Variants in CTNNA2 observed in about 807,000 individuals in gnomAD.
The protein encoded by CTNNA2 is catenin alpha-2.
Under a neutral mutation model 101.0 loss-of-function variants are expected in CTNNA2, and 42 were observed. The observed-to-expected ratio is 0.42, with a 90% CI of 0.32 to 0.54. The LOEUF (loss-of-function observed/expected upper bound fraction) is 0.54, where lower values mean the gene tolerates loss of function less well. Ranked by LOEUF, CTNNA2 falls within the 20% of genes least tolerant of loss-of-function variation. The pLI, the probability that CTNNA2 is intolerant of heterozygous loss-of-function variation, is 0.14. For synonymous variants in CTNNA2, 450 were observed against 456.4 expected, an observed-to-expected ratio of 0.99 and a Z score of 0.18; for missense variants, 871 against 1,223.1, an observed-to-expected ratio of 0.71 and a Z score of 4.29.
chr2:79,359,016 A>T (rs1460625717), intron 3 of CTNNA2, among the ~76,000 whole-genome samples: 1 of 152,170 alleles, frequency 6.6e-6, no homozygotes, highest in Non-Finnish European at 1.5e-5. Flanking sequence ...AGTTACACCT[A>T]CTAGATATAA....
At chr2:80,605,683 C>CAA (rs1481240937) in intron 16 of CTNNA2, 2 of 151,910 alleles carry the variant, frequency 1.3e-5, no homozygotes, top group African/African-American at 4.8e-5. Context: ...AAAAACAAAA[C>CAA]AAACAAAACC....
At chr2:79,660,546 A>G (rs1465746922) in intron 2 of CTNNA2, among the ~76,000 whole-genome samples, 1 of 152,078 alleles carries the variant, frequency 6.6e-6, no homozygotes, top group Non-Finnish European at 1.5e-5. Flanking sequence ...TTAAGTTGCT[A>G]TGTTTTTACA....
chr2:79,737,312 ACT>A, intron 2 of CTNNA2, among the ~76,000 whole-genome samples: 1 of 148,814 alleles, frequency 6.7e-6, no homozygotes. Context: ...TTGTGCCACC[ACT>A]CTCCAGCCTG....
intron 7 of CTNNA2, among the ~76,000 whole-genome samples, chr2:79,914,816 C>T (rs559834324): frequency 6.7e-5 from 10 of 149,954 alleles, no homozygotes; most frequent in Admixed American, 6.0e-4. Flanking sequence ...TAAGTGGATC[C>T]CTGGGGTTAA....
chr2:79,364,073 T>C (rs1677690588), intron 3 of CTNNA2, among the ~76,000 whole-genome samples: 1 of 152,206 alleles, frequency 6.6e-6, no homozygotes, highest in Non-Finnish European at 1.5e-5. Flanking sequence ...GCAAATCATG[T>C]GTATTAAAGT....
At chr2:79,817,277 C>T (rs1478521303) in intron 3 of CTNNA2, among the ~76,000 whole-genome samples, 2 of 146,668 alleles carry the variant, frequency 1.4e-5, no homozygotes, top group Non-Finnish European at 3.0e-5. Context: ...TTTCTGATAA[C>T]ACAAACCAGA....
At chr2:80,376,136 T>C (rs1675928464) in intron 7 of CTNNA2, among the ~76,000 whole-genome samples, 1 of 151,830 alleles carries the variant, frequency 6.6e-6, no homozygotes, top group Admixed American at 6.6e-5. Context: ...TACCATTATT[T>C]GATTTTTTTT....
intron 2 of CTNNA2, among the ~76,000 whole-genome samples, chr2:79,734,222 T>C (rs555963390): frequency 9.9e-5 from 15 of 152,160 alleles, no homozygotes; most frequent in Non-Finnish European, 1.9e-4. Flanking sequence ...AGTGAATATC[T>C]GGCATTATTT....
intron 2 of CTNNA2, among the ~76,000 whole-genome samples, chr2:79,264,829 G>A (rs1674969148): frequency 6.6e-6 from 1 of 151,962 alleles, no homozygotes. Flanking sequence ...CCTATTTGAA[G>A]CTACTCTAGC....
chr2:80,158,020 T>C (rs1445587382), intron 7 of CTNNA2, among the ~76,000 whole-genome samples: 1 of 152,204 alleles, frequency 6.6e-6, no homozygotes. Context: ...TCTCATGAGA[T>C]TTTGAATATG....
At chr2:80,291,159 T>TG (rs1675204054) in intron 7 of CTNNA2, among the ~76,000 whole-genome samples, 1 of 152,232 alleles carries the variant, frequency 6.6e-6, no homozygotes, top group Admixed American at 6.5e-5. Context: ...TTTTTCCTCG[T>TG]GGGATTTAGT....
chr2:80,126,601 TCCCTCCCTCC>T (rs1702124757), intron 7 of CTNNA2, among the ~76,000 whole-genome samples: 3 of 25,828 alleles, frequency 1.2e-4, no homozygotes, highest in African/African-American at 1.6e-4. Context: ...CCTCCCTCCC[TCCCTCCCTCC>T]CTCCCTCCCT....
At chr2:80,619,785 C>T (rs886136419) in intron 18 of CTNNA2, among the ~76,000 whole-genome samples, 1 of 151,826 alleles carries the variant, frequency 6.6e-6, no homozygotes, top group Non-Finnish European at 1.5e-5. Context: ...ACAACTCCTG[C>T]AAGTTTAAGG....
chr2:79,772,759 C>T (rs1259073855), intron 3 of CTNNA2, among the ~76,000 whole-genome samples: 1 of 152,090 alleles, frequency 6.6e-6, no homozygotes, highest in African/African-American at 2.4e-5. Context: ...GAGACAGGGT[C>T]TCACTATGTT....
chr2:79,697,753 T>C (rs1684735253), intron 2 of CTNNA2: 2 of 152,148 alleles, frequency 1.3e-5, no homozygotes, highest in South Asian at 4.1e-4. Context: ...TAAAAAAAAT[T>C]AGTATTTTGC....
rs117813119 is a variant in CTNNA2 at position 80,442,135 on chromosome 2, T to A, written c.1290+22534T>A. The stretch of plus-strand genomic sequence containing the variant: ...TATCAGCAGGTCTTCACATGGGCCA[T>A]CCTTGTGATTCTCCTCCACTGATTA... On this transcript the variant is annotated intron_variant, in intron 9 of 18. Transcript: ENST00000402739. Among the ~76,000 whole-genome samples, 24 of 152,344 alleles carry A rather than the reference T, an allele frequency of 1.6e-4. No individual in the cohort carries two copies. The East Asian group carries it at 4.0e-3, about 26-fold the overall frequency.
chr2:80,430,949 A>G (rs956242521), intron 9 of CTNNA2, among the ~76,000 whole-genome samples: 13 of 152,150 alleles, frequency 8.5e-5, no homozygotes, highest in African/African-American at 2.9e-4. Flanking sequence ...ATAACCTTAT[A>G]TTGTTAAGAT....
intron 9 of CTNNA2, among the ~76,000 whole-genome samples, chr2:80,520,963 G>C (rs561933377): frequency 2.0e-5 from 3 of 152,274 alleles, no homozygotes; most frequent in South Asian, 4.1e-4. Context: ...ATAAACCTCA[G>C]TAGAAATATT....
intron 7 of CTNNA2, among the ~76,000 whole-genome samples, chr2:80,076,109 A>G (rs1464784076): frequency 2.4e-4 from 37 of 151,982 alleles, no homozygotes; most frequent in Non-Finnish European, 4.4e-5. Flanking sequence ...AAAAGCCTCA[A>G]TGCCACAAAG....
Sources: allele counts gnomAD v4.1 joint callset (sites outside exome capture counted in the v4.1 genomes callset), GRCh38; gene constraint gnomAD v4.1.1; transcripts MANE v1.5; gene names NCBI Gene and HGNC (gene_info 2026-07-23, HGNC 2026-07-21).